FN3KRP: variants seen among roughly 807,000 people sequenced by gnomAD.
FN3KRP encodes the protein ketosamine-3-kinase.
In FN3KRP, 33 loss-of-function variants were observed where a neutral mutation model predicts 29.8. The observed-to-expected ratio is 1.11, with a 90% CI of 0.84 to 1.48. FN3KRP has a LOEUF of 1.48. Among genes scored for constraint, FN3KRP ranks in the 40% most tolerant of loss-of-function variants. The pLI, the probability that FN3KRP is intolerant of heterozygous loss-of-function variation, is 0.00. For missense variants in FN3KRP, 430 were observed against 402.6 expected (o/e 1.07, Z -0.58); for synonymous variants, 157 against 155.2 (o/e 1.01, Z -0.09).
rs1568062620 is a variant in FN3KRP at position 82,726,516 on chromosome 17, G to T, written c.505G>T (p.Ala169Ser). ...GCAGGAGGACTGGGTCGTGTTCTAT[G>T]CCCGGCAGCGCATTCAGCCCCAGAT... ...DWQEDWVVFY[A>S]RQRIQPQMDM... Residue 169 changes from alanine (A) to serine (S), a missense_variant, in exon 5 of 6, where the codon GCC becomes TCC. Coordinates refer to ENST00000269373, the MANE Select transcript of FN3KRP (RefSeq NM_024619.4). The T allele has an allele frequency of 6.2e-7, 1 of 1,614,186 alleles. No homozygotes were observed. Among genetic ancestry groups the T allele is most frequent in the Middle Eastern group, 1.6e-4 (1 of 6,062 alleles).
At position 82,719,022 on chromosome 17, in the gene FN3KRP, G is replaced by C; in HGVS notation, c.258G>C (p.Leu86=). Reference sequence around the variant, plus strand: ...ATGCCCCAGGCGGCGGGAGCGTGCTGGTGATGGAGCACATGGACATGAGGC... The same window carrying C: ...ATGCCCCAGGCGGCGGGAGCGTGCTCGTGATGGAGCACATGGACATGAGGC... The part of the protein sequence containing the change: ...VLDAPGGGSV[L]VMEHMDMRHL... The change falls in exon 2 of 6, where the codon CTG becomes CTC. Residue 86 remains leucine, a synonymous_variant. Transcript: ENST00000269373. 1.2e-6 allele frequency: 2 copies of C among 1,614,118 alleles called. No individual in the cohort carries two copies. The highest frequency in any genetic ancestry group is 1.7e-6 in the Non-Finnish European group (2 of 1,180,008).
chr17:82,716,831 A>G lies in FN3KRP; in HGVS notation c.76A>G (p.Ser26Gly). 6.4e-7 allele frequency: 1 copy of G among 1,557,984 alleles called. No individual in the cohort carries two copies. Among genetic ancestry groups the G allele is most frequent in the East Asian group, 2.6e-5 (1 of 37,772 alleles). ...GGGCCACTCGGGGGGCGGGTGCATC[A>G]GCCAGGGCCGGAGCTACGACACGGA... Reference protein sequence around the residue: ...ATGHSGGGCISQGRSYDTDQG... With the variant: ...ATGHSGGGCIGQGRSYDTDQG... The change falls in exon 1 of 6, where the codon AGC (serine) becomes GGC (glycine). Residue 26 changes from serine to glycine, a missense_variant. Ser to Gly is a moderately conservative substitution (Grantham distance 56). Transcript: ENST00000269373.
chr17:82,722,327 G>A (rs1246106400), intron 3 of FN3KRP, among the ~76,000 whole-genome samples: 1 of 152,198 alleles, frequency 6.6e-6, no homozygotes, highest in Non-Finnish European at 1.5e-5. Context: ...TAGAGACAGG[G>A]TTTCACCACG....
In FN3KRP at chr17:82,724,475, G is replaced by A. The variant is rs57343739; in HGVS notation, c.468+1589G>A. Reference sequence around the variant, plus strand: ...AAAAATTAGCCGGGCATGGTGGTGCGCACCTGTAATCCCAGCTACTCTGGG... The same window carrying A: ...AAAAATTAGCCGGGCATGGTGGTGCACACCTGTAATCCCAGCTACTCTGGG... On this transcript the variant is annotated intron_variant, in intron 4 of 5. Transcript: ENST00000269373. Among the ~76,000 whole-genome samples, 223 of 152,062 alleles carry A rather than the reference G, an allele frequency of 1.5e-3. 1 individual carries two copies. The highest frequency in any genetic ancestry group is 4.6e-3 in the African/African-American group (190 of 41,494).
At chr17:82,718,625 C>T in intron 1 of FN3KRP, 8 of 1,184,192 alleles carry the variant, frequency 6.8e-6, no homozygotes, top group Non-Finnish European at 8.4e-6. Context: ...ATATTAGTGC[C>T]TTCGATTTTC....
chr17:82,724,493 A>G (rs2143617426), intron 4 of FN3KRP, among the ~76,000 whole-genome samples: 1 of 151,836 alleles, frequency 6.6e-6, no homozygotes, highest in South Asian at 2.1e-4. Flanking sequence ...AATCCCAGCT[A>G]CTCTGGGGGC....
At position 82,718,665 on chromosome 17, in the gene FN3KRP, A is replaced by G. The variant is rs150966689; in HGVS notation, c.142-241A>G. 4.8e-3 allele frequency: 6,040 copies of G among 1,256,698 alleles called. 24 individuals are homozygous for G. Among genetic ancestry groups the G allele is most frequent in the South Asian group, 7.5e-3 (356 of 47,518 alleles). 77.8% of individuals were successfully genotyped at this position (1,256,698 alleles called of 1,614,324 possible). ...CTCCAGAGAACCTCCCAATTCAACC[A>G]CAGCACACAAGTGTAGTCCAACACT... On this transcript the variant is annotated intron_variant, in intron 1 of 5. Transcript: ENST00000269373.
chr17:82,721,876 C>T (rs2046801009), intron 3 of FN3KRP, among the ~76,000 whole-genome samples: 1 of 151,952 alleles, frequency 6.6e-6, no homozygotes, highest in African/African-American at 2.4e-5. Flanking sequence ...CTCTTGTTGC[C>T]CAGGCTGGAG....
chr17:82,720,200 C>T (rs1173133662), intron 2 of FN3KRP, 72 bp from the exon 3 acceptor site: 6 of 1,259,560 alleles, frequency 4.8e-6, no homozygotes, highest in African/African-American at 1.5e-5. Context: ...CTTTATGTGC[C>T]CTGAGACTGA....
intron 4 of FN3KRP, among the ~76,000 whole-genome samples, chr17:82,725,346 G>T (rs2143618800): frequency 6.6e-6 from 1 of 151,984 alleles, no homozygotes; most frequent in Middle Eastern, 3.4e-3. Context: ...TGCCCAGGCT[G>T]GTCTCAAACT....
intron 4 of FN3KRP, 102 bp from the exon 5 acceptor site, chr17:82,726,378 C>T (rs941518196): frequency 2.3e-5 from 34 of 1,458,390 alleles, no homozygotes; most frequent in African/African-American, 9.9e-5. Context: ...TCCCACGTGC[C>T]GCTCCTGCAG....
rs1339825424 is a variant in FN3KRP at position 82,718,619 on chromosome 17, T to C, written c.142-287T>C. Reference sequence around the variant, plus strand: ...CTGTTGCCGGATCTTAGTGGAATATTAGTGCCTTCGATTTTCCTCTCTCCA... The same window carrying C: ...CTGTTGCCGGATCTTAGTGGAATATCAGTGCCTTCGATTTTCCTCTCTCCA... On this transcript the variant is annotated intron_variant, in intron 1 of 5. Coordinates refer to ENST00000269373, the MANE Select transcript of FN3KRP (RefSeq NM_024619.4). 5 of 1,170,586 alleles carry C rather than the reference T, an allele frequency of 4.3e-6. No homozygotes were observed. The African/African-American group carries it at 7.8e-5, about 18-fold the overall frequency. The allele number at this position is 1,170,586 out of a possible 1,614,324, so 72.5% of individuals were successfully genotyped here.
At chr17:82,720,432 C>A in intron 3 of FN3KRP, 69 bp downstream of exon 3, 3 of 1,304,912 alleles carry the variant, frequency 2.3e-6, no homozygotes, top group South Asian at 1.3e-5. Flanking sequence ...GGGCTCAGAG[C>A]GGGGGCCGTG....
At chr17:82,722,730 A>T (rs1457258881) in intron 3 of FN3KRP, 74 bp from the exon 4 acceptor site, 2 of 1,455,132 alleles carry the variant, frequency 1.4e-6, no homozygotes, top group Non-Finnish European at 1.9e-6. Flanking sequence ...TCGTGTCTGA[A>T]GGTGACTCAG....
At chr17:82,719,655 T>C (rs1243766186) in intron 2 of FN3KRP, among the ~76,000 whole-genome samples, 2 of 152,116 alleles carry the variant, frequency 1.3e-5, no homozygotes, top group Non-Finnish European at 2.9e-5. Flanking sequence ...CTCGGGAGGC[T>C]GAGGCAGGAG....
At chr17:82,726,401 T>G in intron 4 of FN3KRP, 79 bp from the exon 5 acceptor site, 773 of 1,525,486 alleles carry the variant, frequency 5.1e-4, no homozygotes, top group Non-Finnish European at 6.4e-4. Context: ...CTCTCCACTT[T>G]GAGATGCTTG....
intron 4 of FN3KRP, among the ~76,000 whole-genome samples, chr17:82,724,914 T>G (rs2046826692): frequency 6.6e-6 from 1 of 151,722 alleles, no homozygotes. Context: ...GTTCACGCCA[T>G]TCTTCTGCCT....
At position 82,720,320 on chromosome 17, in the gene FN3KRP, C is replaced by G. The variant is rs370498197; in HGVS notation, c.342C>G (p.Asn114Lys). The G allele has an allele frequency of 5.6e-6, 9 of 1,612,632 alleles. No homozygotes were observed. The highest frequency in any genetic ancestry group is 2.7e-5 in the African/African-American group (2 of 74,990). Residue 114 changes from asparagine (N) to lysine (K), a missense_variant, in exon 3 of 6, where the codon AAC becomes AAG. By Grantham distance (94) the Asn-to-Lys change is moderately conservative. Coordinates refer to ENST00000269373, the MANE Select transcript of FN3KRP (RefSeq NM_024619.4). ...AGCTGGCCGATTTACACCTTGATAA[C>G]AAGAAGCTTGGAGAGATGCGCCTGA... ...GAQLADLHLD[N>K]KKLGEMRLKE...
chr17:82,719,049 TCTGA>T lies in FN3KRP; in HGVS notation c.286_289del (p.Leu96AlafsTer26), dbSNP rs748594525. 6.2e-7 allele frequency: 1 copy of T among 1,606,372 alleles called. No individual in the cohort carries two copies. The highest frequency in any genetic ancestry group is 1.4e-5 in the African/African-American group (1 of 72,782). ...TGATGGAGCACATGGACATGAGGCA[TCTGA>T]GCAGGTGCATCTTCACACCACCCCC... On this transcript the variant is annotated frameshift_variant, in exon 2 of 6. Coordinates refer to ENST00000269373, the MANE Select transcript of FN3KRP (RefSeq NM_024619.4). LOFTEE classifies it high-confidence loss of function.
Sources: gnomAD v4.1 joint callset for allele counts (sites outside exome capture counted in the v4.1 genomes callset) on GRCh38, gnomAD v4.1.1 for gene constraint, MANE v1.5 for transcripts, NCBI Gene and HGNC (gene_info 2026-07-23, HGNC 2026-07-21) for gene names.